Variants in DLG2 observed in about 807,000 individuals in gnomAD.
The protein encoded by DLG2 is discs large MAGUK scaffold protein 2.
DLG2 carries 45 observed loss-of-function variants against 132.5 expected under a neutral mutation model. The ratio of observed to expected loss-of-function variants is 0.34; its 90% CI spans 0.27 to 0.44. The LOEUF (loss-of-function observed/expected upper bound fraction) is 0.44. DLG2 is among the 20% of genes least tolerant of loss of function. The pLI is 1.00. For synonymous variants in DLG2, 424 were observed against 419.6 expected (o/e 1.01, Z -0.13); for missense variants, 1,045 against 1,196.9 (o/e 0.87, Z 1.87).
chr11:85,104,897 A>C (rs2071469351), intron 6 of DLG2, among the ~76,000 whole-genome samples: 2 of 140,842 alleles, frequency 1.4e-5, no homozygotes, highest in African/African-American at 5.3e-5. Context: ...AAAAAAAAAA[A>C]AAACAGAGAG....
At chr11:84,507,257 A>C (rs181453705) in intron 7 of DLG2, among the ~76,000 whole-genome samples, 1 of 152,328 alleles carries the variant, frequency 6.6e-6, no homozygotes, top group African/African-American at 2.4e-5. Context: ...AACAGTTAAA[A>C]GAGTCATAAA....
chr11:83,711,643 GA>G (rs2153663903), intron 18 of DLG2, among the ~76,000 whole-genome samples: 1 of 152,294 alleles, frequency 6.6e-6, no homozygotes, highest in African/African-American at 2.4e-5. Context: ...GTTACAGGCA[GA>G]AAAACATAAT....
At chr11:84,030,626 A>C (rs1174734483) in intron 11 of DLG2, among the ~76,000 whole-genome samples, 4 of 152,166 alleles carry the variant, frequency 2.6e-5, no homozygotes, top group Non-Finnish European at 5.9e-5. Context: ...AAGTTTAGAG[A>C]AAGGGGTTCA....
At chr11:84,257,923 G>A (rs1341351685) in intron 7 of DLG2, among the ~76,000 whole-genome samples, 1 of 152,102 alleles carries the variant, frequency 6.6e-6, no homozygotes, top group Non-Finnish European at 1.5e-5. Flanking sequence ...CTAGACTCAA[G>A]TGATCCACCT....
chr11:84,528,244 A>G (rs1421704407), intron 7 of DLG2, among the ~76,000 whole-genome samples: 3 of 152,168 alleles, frequency 2.0e-5, no homozygotes, highest in African/African-American at 7.2e-5. Flanking sequence ...GCATCTGAAG[A>G]GAATGCATCC....
At chr11:83,933,119 C>A (rs968752532) in intron 14 of DLG2, among the ~76,000 whole-genome samples, 8 of 152,178 alleles carry the variant, frequency 5.3e-5, no homozygotes, top group Admixed American at 5.2e-4. Flanking sequence ...ACAAGAAATG[C>A]CGTTTTATAA....
At chr11:84,807,425 G>A (rs565093184) in intron 6 of DLG2, among the ~76,000 whole-genome samples, 8 of 152,048 alleles carry the variant, frequency 5.3e-5, no homozygotes, top group East Asian at 1.9e-4. Flanking sequence ...CAGCCTGGGC[G>A]ACAAGAGTGA....
At chr11:84,471,420 T>A (rs1450491081) in intron 7 of DLG2, among the ~76,000 whole-genome samples, 2 of 151,854 alleles carry the variant, frequency 1.3e-5, no homozygotes, top group African/African-American at 4.8e-5. Flanking sequence ...TCTTTTACTT[T>A]CTACTTATTT....
intron 8 of DLG2, among the ~76,000 whole-genome samples, chr11:84,229,151 T>C (rs541422052): frequency 3.9e-5 from 6 of 152,146 alleles, no homozygotes; most frequent in Non-Finnish European, 8.8e-5. Flanking sequence ...TTTGGCCATA[T>C]TGTCTTTCAA....
At chr11:85,079,589 G>A (rs2066985752) in intron 6 of DLG2, among the ~76,000 whole-genome samples, 2 of 151,544 alleles carry the variant, frequency 1.3e-5, no homozygotes, top group African/African-American at 2.4e-5. Flanking sequence ...GCATTTCCAA[G>A]GCGGCACAGC....
At position 84,343,028 on chromosome 11, in the gene DLG2, C is replaced by T. The variant is rs570363621; in HGVS notation, c.520-91737G>A. On this transcript the variant is annotated intron_variant, in intron 7 of 27. Coordinates refer to ENST00000376104, the MANE Select transcript of DLG2 (RefSeq NM_001142699.3). The stretch of plus-strand genomic sequence containing the variant: ...TTTTCAGTCTAGTGAAGAAGGCAGT[C>T]TTACCAAAAAATAATGACAATACAG... 3.3e-5 allele frequency among the ~76,000 whole-genome samples: 5 copies of T among 152,186 alleles called. 1 individual carries two copies. Among genetic ancestry groups the T allele is most frequent in the African/African-American group, 1.2e-4 (5 of 41,532 alleles).
At chr11:84,766,650 C>A (rs1032523039) in intron 6 of DLG2, among the ~76,000 whole-genome samples, 1 of 152,012 alleles carries the variant, frequency 6.6e-6, no homozygotes, top group Non-Finnish European at 1.5e-5. Flanking sequence ...TCAAATCATT[C>A]ATTACTTCAG....
At chr11:84,525,224 T>G (rs1455710576) in intron 7 of DLG2, among the ~76,000 whole-genome samples, 2 of 152,158 alleles carry the variant, frequency 1.3e-5, no homozygotes, top group African/African-American at 4.8e-5. Flanking sequence ...AGATCAGATC[T>G]TTATTTCAAA....
intron 6 of DLG2, among the ~76,000 whole-genome samples, chr11:84,778,744 G>C (rs1323248410): frequency 6.6e-6 from 1 of 152,142 alleles, no homozygotes; most frequent in Non-Finnish European, 1.5e-5. Flanking sequence ...GTTGCCAGAA[G>C]AGATTAACAT....
chr11:85,091,668 T>C (rs7937003), intron 6 of DLG2, among the ~76,000 whole-genome samples: 5,688 of 152,310 alleles, frequency 0.037, 321 homozygotes, highest in African/African-American at 0.13. Flanking sequence ...TCGTCTTCTT[T>C]AGAAGTAAAT....
At chr11:85,504,512 C>T (rs532213486) in intron 3 of DLG2, among the ~76,000 whole-genome samples, 34 of 152,258 alleles carry the variant, frequency 2.2e-4, no homozygotes, top group African/African-American at 7.7e-4. Flanking sequence ...TATCAAATAT[C>T]AGATGGTTGT....
intron 15 of DLG2, among the ~76,000 whole-genome samples, chr11:83,894,657 A>G (rs1185259474): frequency 6.6e-6 from 1 of 152,198 alleles, no homozygotes; most frequent in Non-Finnish European, 1.5e-5. Flanking sequence ...CGAGAACATG[A>G]CAAATCTTCT....
chr11:83,725,550 A>G (rs929990880), intron 18 of DLG2: 1 of 152,232 alleles, frequency 6.6e-6, no homozygotes, highest in African/African-American at 2.4e-5. Flanking sequence ...GGCAAAACCA[A>G]GTCAAGAAAT....
chr11:85,184,935 C>T (rs188962675), intron 4 of DLG2, among the ~76,000 whole-genome samples: 576 of 151,806 alleles, frequency 3.8e-3, no homozygotes, highest in Non-Finnish European at 6.6e-3. Context: ...GTTATGGCAA[C>T]TGGGGAACGT....
Sources: gnomAD v4.1 joint callset for allele counts (sites outside exome capture counted in the v4.1 genomes callset) on GRCh38, gnomAD v4.1.1 for gene constraint, MANE v1.5 for transcripts, NCBI Gene and HGNC (gene_info 2026-07-23, HGNC 2026-07-21) for gene names.